The following TDRP variants were observed in gnomAD, a reference collection of about 807,000 sequenced individuals.
TDRP encodes the protein testis development related protein.
In TDRP, 12 loss-of-function variants were observed where a neutral mutation model predicts 10.5. The ratio of observed to expected loss-of-function variants is 1.15; its 90% CI spans 0.73 to 1.86. The LOEUF (loss-of-function observed/expected upper bound fraction) is 1.86. Ranked by LOEUF, TDRP falls within the 40% of genes most tolerant of loss-of-function variation. TDRP has a pLI of 0.00. For synonymous variants in TDRP, 139 were observed against 95.4 expected, an observed-to-expected ratio of 1.46 and a Z score of -2.67; for missense variants, 353 against 229.2, an observed-to-expected ratio of 1.54 and a Z score of -3.49.
chr8:507,616 C>A (rs1801502111), intron 1 of TDRP, among the ~76,000 whole-genome samples: 2 of 152,138 alleles, frequency 1.3e-5, no homozygotes, highest in South Asian at 2.1e-4. Flanking sequence ...GTGCCGTGCC[C>A]CACCAGAAGC....
intron 1 of TDRP, among the ~76,000 whole-genome samples, chr8:512,861 A>C (rs1000007205): frequency 6.6e-6 from 1 of 151,954 alleles, no homozygotes; most frequent in Non-Finnish European, 1.5e-5. Flanking sequence ...AATCCCAGCT[A>C]CTCAGGAGGC....
intron 1 of TDRP, among the ~76,000 whole-genome samples, chr8:513,558 G>C (rs1801674126): frequency 6.6e-6 from 1 of 152,278 alleles, no homozygotes; most frequent in East Asian, 1.9e-4. Context: ...CATACTAAAT[G>C]GTTAAAGACT....
At chr8:530,606 G>T (rs981186550) in intron 1 of TDRP, among the ~76,000 whole-genome samples, 3 of 152,090 alleles carry the variant, frequency 2.0e-5, no homozygotes, top group African/African-American at 7.2e-5. Context: ...AATTAGAGAG[G>T]TCTGCCAGTT....
In TDRP at chr8:491,932, A is replaced by C; in HGVS notation, c.*467T>G. The C allele has an allele frequency of 8.8e-7, 1 of 1,140,266 alleles. No homozygotes were observed. The highest frequency in any genetic ancestry group is 1.1e-6 in the Non-Finnish European group (1 of 930,772). 70.6% of individuals were successfully genotyped at this position (1,140,266 alleles called of 1,614,324 possible). A position where few individuals can be genotyped will look rare whatever the true frequency, so the allele number is the denominator to read the frequency against. On this transcript the variant is annotated 3_prime_UTR_variant, in exon 3 of 3. Coordinates refer to ENST00000324079, the MANE Select transcript of TDRP (RefSeq NM_001384899.1). ...TAATTTGTCAAGTTAAACAAAATTT[A>C]ACATAACTTTGGAAGATTCATCTTA...
chr8:534,445 T>C (rs1802292276), intron 1 of TDRP, among the ~76,000 whole-genome samples: 2 of 152,214 alleles, frequency 1.3e-5, no homozygotes, highest in South Asian at 2.1e-4. Flanking sequence ...TGTTGATTCA[T>C]TCACACCGAA....
intron 1 of TDRP, among the ~76,000 whole-genome samples, chr8:543,217 G>A (rs1049695955): frequency 6.6e-6 from 1 of 152,108 alleles, no homozygotes; most frequent in Non-Finnish European, 1.5e-5. Flanking sequence ...GAGGCTGAGA[G>A]AGGAGAATAG....
rs1370522953 is a variant in TDRP at position 529,928 on chromosome 8, T to C, written c.108+14722A>G. 2.0e-5 allele frequency among the ~76,000 whole-genome samples: 3 copies of C among 152,324 alleles called. No individual in the cohort carries two copies. In the East Asian group the frequency reaches 5.8e-4, roughly 29 times the overall value. ...ATCTGGATGTCCATTTTCTTCCTCA[T>C]ATTTGGGATGTTTTGCACCACTCTT... is the stretch of plus-strand genomic sequence containing the variant. On this transcript the variant is annotated intron_variant, in intron 1 of 2. Transcript: ENST00000324079.
At chr8:541,976 T>A (rs1279414584) in intron 1 of TDRP, among the ~76,000 whole-genome samples, 1 of 152,162 alleles carries the variant, frequency 6.6e-6, no homozygotes, top group Non-Finnish European at 1.5e-5. Flanking sequence ...ATGAATAAAC[T>A]GATGTTTATT....
chr8:544,759 G>A lies in TDRP; in HGVS notation c.-2C>T. ...TCGGCCCCGGCCCAGCTTCCACATG[G>A]TCAGGCGGGCTCCGGCGTCCCTCCG... On this transcript the variant is annotated 5_prime_UTR_variant, in exon 1 of 3. Transcript: ENST00000324079. 8.1e-7 allele frequency: 1 copy of A among 1,236,496 alleles called. No individual in the cohort carries two copies. Among genetic ancestry groups the A allele is most frequent in the Non-Finnish European group, 1.0e-6 (1 of 988,330 alleles). 76.6% of individuals were successfully genotyped at this position (1,236,496 alleles called of 1,614,324 possible).
chr8:529,125 G>A (rs887671699), intron 1 of TDRP, among the ~76,000 whole-genome samples: 21 of 151,990 alleles, frequency 1.4e-4, no homozygotes, highest in Non-Finnish European at 1.3e-4. Flanking sequence ...TCAGATTGGC[G>A]GTGGGTCTGC....
chr8:508,487 G>A (rs1165374025), intron 1 of TDRP, among the ~76,000 whole-genome samples: 1 of 152,174 alleles, frequency 6.6e-6, no homozygotes. Context: ...CAGCATTCAA[G>A]ACAGAGAGCA....
chr8:529,612 T>G (rs1051632658), intron 1 of TDRP, among the ~76,000 whole-genome samples: 10 of 152,222 alleles, frequency 6.6e-5, no homozygotes, highest in African/African-American at 2.4e-4. Context: ...TGTTCATTTT[T>G]GAAAGATGGT....
At chr8:526,837 T>C (rs999531939) in intron 1 of TDRP, among the ~76,000 whole-genome samples, 3 of 152,184 alleles carry the variant, frequency 2.0e-5, no homozygotes, top group Admixed American at 2.0e-4. Context: ...TTCAACGTAG[T>C]ACTGGAAGTC....
chr8:514,217 T>C lies in TDRP; in HGVS notation c.109-19620A>G, dbSNP rs190112071. ...CCACAAAGCAACAGTAATAAAACAG[T>C]GTGGTACTAGCACATCAATGCAATC... On this transcript the variant is annotated intron_variant, in intron 1 of 2. Coordinates refer to ENST00000324079, the MANE Select transcript of TDRP (RefSeq NM_001384899.1). 3.9e-5 allele frequency among the ~76,000 whole-genome samples: 6 copies of C among 152,312 alleles called. No individual in the cohort carries two copies. The East Asian group carries it at 9.6e-4, about 24-fold the overall frequency.
chr8:514,408 A>C (rs1801698642), intron 1 of TDRP, among the ~76,000 whole-genome samples: 1 of 152,224 alleles, frequency 6.6e-6, no homozygotes, highest in South Asian at 2.1e-4. Flanking sequence ...GCCACATGTA[A>C]GAAAATGAAG....
At chr8:536,621 A>C (rs1026935672) in intron 1 of TDRP, among the ~76,000 whole-genome samples, 4 of 152,362 alleles carry the variant, frequency 2.6e-5, no homozygotes, top group Middle Eastern at 3.4e-3. Flanking sequence ...GTATGAAAAA[A>C]ATGTAAAGGA....
chr8:494,087 G>C lies in TDRP; in HGVS notation c.212+407C>G, dbSNP rs182865545. 7.3e-3 allele frequency among the ~76,000 whole-genome samples: 1,065 copies of C among 146,788 alleles called. 19 individuals carry two copies. Among genetic ancestry groups the C allele is most frequent in the Non-Finnish European group, 6.8e-3 (458 of 67,352 alleles). On this transcript the variant is annotated intron_variant, in intron 2 of 2. Coordinates refer to ENST00000324079, the MANE Select transcript of TDRP (RefSeq NM_001384899.1). ...TTCTCCTGCCTCAGCCTCCCGAGTA[G>C]CTGGGATTATAGGCACATGCCACCA...
At chr8:512,391 C>T (rs1353858415) in intron 1 of TDRP, among the ~76,000 whole-genome samples, 1 of 151,982 alleles carries the variant, frequency 6.6e-6, no homozygotes, top group Non-Finnish European at 1.5e-5. Flanking sequence ...CAAGATCGTG[C>T]TGCTGCACTC....
chr8:504,136 T>A (rs756214329), intron 1 of TDRP, among the ~76,000 whole-genome samples: 1 of 152,188 alleles, frequency 6.6e-6, no homozygotes, highest in Non-Finnish European at 1.5e-5. Context: ...TGCCCTGGGT[T>A]CTGACCGCAG....
Sources: gnomAD v4.1 joint callset for allele counts (sites outside exome capture counted in the v4.1 genomes callset) on GRCh38, gnomAD v4.1.1 for gene constraint, MANE v1.5 for transcripts, NCBI Gene and HGNC (gene_info 2026-07-23, HGNC 2026-07-21) for gene names.